CERS6: variants seen among roughly 807,000 people sequenced by gnomAD.
CERS6 encodes LAG1 homolog, ceramide synthase 6.
In CERS6, 26 loss-of-function variants were observed where a neutral mutation model predicts 56.8. The ratio of observed to expected loss-of-function variants is 0.46; its 90% CI spans 0.34 to 0.63. CERS6 has a LOEUF of 0.63. CERS6 is among the 30% of genes least tolerant of loss of function. The pLI, the probability that CERS6 is intolerant of heterozygous loss-of-function variation, is 0.01. For missense variants in CERS6, 415 were observed against 467.5 expected (o/e 0.89, Z 1.04); for synonymous variants, 164 against 173.3 (o/e 0.95, Z 0.42).
intron 4 of CERS6, among the ~76,000 whole-genome samples, chr2:168,659,455 G>A (rs1685572704): frequency 6.6e-6 from 1 of 151,988 alleles, no homozygotes; most frequent in African/African-American, 2.4e-5. Flanking sequence ...TTTAAATAAT[G>A]GAATCATGCT....
chr2:168,745,674 A>G (rs1170405691), intron 8 of CERS6, among the ~76,000 whole-genome samples: 1 of 152,242 alleles, frequency 6.6e-6, no homozygotes, highest in Non-Finnish European at 1.5e-5. Context: ...GTTACAATTC[A>G]AACTTAACAA....
intron 8 of CERS6, among the ~76,000 whole-genome samples, chr2:168,740,465 A>G (rs551114258): frequency 6.6e-6 from 1 of 152,328 alleles, no homozygotes; most frequent in East Asian, 1.9e-4. Flanking sequence ...CCTTGCCCTT[A>G]TGAAGCTTTC....
intron 8 of CERS6, among the ~76,000 whole-genome samples, chr2:168,747,826 C>A (rs76190748): frequency 0.13 from 14,860 of 117,166 alleles, 793 homozygotes; most frequent in Admixed American, 0.15. Flanking sequence ...TTCCTACACA[C>A]GCTCACACAT....
intron 1 of CERS6, among the ~76,000 whole-genome samples, chr2:168,544,858 G>T (rs1306266379): frequency 1.3e-5 from 2 of 151,924 alleles, no homozygotes; most frequent in African/African-American, 2.4e-5. Flanking sequence ...GATGTCCCTG[G>T]TTTTTTTCAG....
intron 1 of CERS6, among the ~76,000 whole-genome samples, chr2:168,463,904 G>T (rs1178172530): frequency 1.3e-5 from 2 of 152,110 alleles, no homozygotes; most frequent in African/African-American, 4.8e-5. Flanking sequence ...CCAAGATCCT[G>T]TCTCAAAACA....
intron 8 of CERS6, 123 bp downstream of exon 8, chr2:168,718,101 T>C: frequency 1.6e-6 from 1 of 640,560 alleles, no homozygotes; most frequent in South Asian, 2.0e-5. Flanking sequence ...GGAGGGGAAA[T>C]ACCTCAAGAA....
At chr2:168,708,390 G>A (rs916530936) in intron 6 of CERS6, among the ~76,000 whole-genome samples, 3 of 152,144 alleles carry the variant, frequency 2.0e-5, no homozygotes, top group African/African-American at 2.4e-5. Context: ...AAAAAGAAAA[G>A]CATGTTACTC....
At chr2:168,499,994 G>A (rs1004460175) in intron 1 of CERS6, among the ~76,000 whole-genome samples, 7 of 152,282 alleles carry the variant, frequency 4.6e-5, no homozygotes, top group African/African-American at 1.7e-4. Context: ...CAGAGCAGCA[G>A]TGTGCTACCC....
In CERS6 at chr2:168,765,678, T is replaced by C. The variant is rs761996415; in HGVS notation, c.932T>C (p.Val311Ala). 1.2e-6 allele frequency: 2 copies of C among 1,614,150 alleles called. No homozygotes were observed. Residue 311 changes from valine to alanine, a missense_variant, in exon 9 of 10, where the codon GTA (valine) becomes GCA (alanine). By Grantham distance (64) the Val-to-Ala change is moderately conservative (BLOSUM62 0). Coordinates refer to ENST00000305747, the MANE Select transcript of CERS6 (RefSeq NM_203463.3). ...GTTTTTAACCTACTGCTATTGCTAG[T>C]ACAAGGGTTGAACTGCTTCTGGTCT... ...WWVFNLLLLL[V>A]QGLNCFWSYL... is the part of the protein sequence containing the mutation.
Position 168,691,047 on chromosome 2 carries a change from G to A in CERS6, c.479G>A (p.Trp160Ter), listed in dbSNP as rs199547593. ...CATTTTTTTCAGACCCCCTGGTTGTGGAATACGAGGCATTGCTGGTACAAC... is the reference window on the plus strand; with the variant it reads ...CATTTTTTTCAGACCCCCTGGTTGTAGAATACGAGGCATTGCTGGTACAAC... The part of the protein sequence containing the change: ...VRFLKKTPWL[W>*]NTRHCWYNYP... Residue 160 changes from tryptophan (W) to a stop codon, truncating the protein, a stop_gained, in exon 5 of 10, where the codon TGG becomes TAG. Transcript: ENST00000305747. LOFTEE classifies it high-confidence loss of function. 1 of 1,613,174 alleles carries A rather than the reference G, an allele frequency of 6.2e-7. No homozygotes were observed. The highest frequency in any genetic ancestry group is 2.2e-5 in the East Asian group (1 of 44,866).
chr2:168,492,069 G>T (rs144826484), intron 1 of CERS6, among the ~76,000 whole-genome samples: 3 of 152,064 alleles, frequency 2.0e-5, no homozygotes, highest in Non-Finnish European at 2.9e-5. Context: ...GAACAGTGCC[G>T]CAGTAAACAT....
intron 6 of CERS6, among the ~76,000 whole-genome samples, chr2:168,709,254 G>A (rs1390259226): frequency 2.0e-5 from 3 of 152,106 alleles, no homozygotes; most frequent in African/African-American, 7.2e-5. Context: ...ACACAGAACA[G>A]ACTAAGAAAC....
intron 3 of CERS6, among the ~76,000 whole-genome samples, chr2:168,610,204 C>G (rs901616521): frequency 6.6e-6 from 1 of 152,036 alleles, no homozygotes; most frequent in African/African-American, 2.4e-5. Flanking sequence ...GTCTCGATCT[C>G]CTGACCTCAT....
At chr2:168,677,234 T>C (rs1224359796) in intron 4 of CERS6, among the ~76,000 whole-genome samples, 3 of 152,082 alleles carry the variant, frequency 2.0e-5, no homozygotes, top group Non-Finnish European at 4.4e-5. Flanking sequence ...ATGTTCTCAT[T>C]GTTCAACTCC....
intron 3 of CERS6, among the ~76,000 whole-genome samples, chr2:168,616,157 G>A (rs936213408): frequency 1.3e-5 from 2 of 152,092 alleles, no homozygotes; most frequent in Non-Finnish European, 2.9e-5. Flanking sequence ...GTCTTTTTCG[G>A]TCAAACAAAT....
At chr2:168,562,350 G>A (rs1250039131) in intron 3 of CERS6, among the ~76,000 whole-genome samples, 1 of 152,210 alleles carries the variant, frequency 6.6e-6, no homozygotes, top group Non-Finnish European at 1.5e-5. Context: ...AGAAACAACA[G>A]TGGGCCCAGG....
chr2:168,725,798 C>G (rs1354619642), intron 8 of CERS6, among the ~76,000 whole-genome samples: 4 of 152,186 alleles, frequency 2.6e-5, no homozygotes, highest in Non-Finnish European at 2.9e-5. Flanking sequence ...AATATTTTCT[C>G]TTGTATTTAA....
chr2:168,636,469 C>G (rs1373327471), intron 4 of CERS6, among the ~76,000 whole-genome samples: 1 of 152,038 alleles, frequency 6.6e-6, no homozygotes, highest in East Asian at 1.9e-4. Context: ...TTAATGGAAC[C>G]TTTGCTCTCT....
At chr2:168,596,371 A>C (rs1011949876) in intron 3 of CERS6, among the ~76,000 whole-genome samples, 1 of 152,060 alleles carries the variant, frequency 6.6e-6, no homozygotes, top group African/African-American at 2.4e-5. Flanking sequence ...TTCTTGGTGT[A>C]GTTTTTACTG....
Sources: allele counts gnomAD v4.1 joint callset (sites outside exome capture counted in the v4.1 genomes callset), GRCh38; gene constraint gnomAD v4.1.1; transcripts MANE v1.5; gene names NCBI Gene and HGNC (gene_info 2026-07-23, HGNC 2026-07-21).